The following SPOCK3 variants were observed in gnomAD, a reference collection of about 807,000 sequenced individuals.
SPOCK3 encodes testican-3.
In SPOCK3, 30 loss-of-function variants were observed where a neutral mutation model predicts 56.6. The ratio of observed to expected loss-of-function variants is 0.53; its 90% confidence interval spans 0.40 to 0.72. The LOEUF is 0.72. Among genes scored for constraint, SPOCK3 ranks in the 30% least tolerant of loss-of-function variants. SPOCK3 has a pLI of 0.00. For missense variants in SPOCK3, 527 were observed against 530.0 expected, an observed-to-expected ratio of 0.99 and a Z score of 0.06; for synonymous variants, 196 against 183.3, an observed-to-expected ratio of 1.07 and a Z score of -0.56.
intron 4 of SPOCK3, among the ~76,000 whole-genome samples, chr4:166,923,811 C>T (rs1188027182): frequency 6.6e-6 from 1 of 152,122 alleles, no homozygotes; most frequent in African/African-American, 2.4e-5. Flanking sequence ...TTACACTTTA[C>T]TGATTTTTAG....
rs1735697763 is a variant in SPOCK3, at chr4:166,746,945, A to G, written c.932-4886T>C. ...CAAGACTAAACCAGGAAGAAGTTGA[A>G]TCCCTGAATAGACCAATAACAGACT... On this transcript the variant is annotated intron_variant, in intron 8 of 10. Transcript: ENST00000357545. Among the ~76,000 whole-genome samples, 3 of 152,192 alleles carry G rather than the reference A, an allele frequency of 2.0e-5. No individual in the cohort carries two copies. In the South Asian group the frequency reaches 6.2e-4, roughly 31 times the overall value.
At chr4:167,016,897 T>G (rs1253716737) in intron 3 of SPOCK3, among the ~76,000 whole-genome samples, 1 of 152,090 alleles carries the variant, frequency 6.6e-6, no homozygotes, top group African/African-American at 2.4e-5. Flanking sequence ...GATTTCTAAC[T>G]ACACCATTGC....
intron 2 of SPOCK3, among the ~76,000 whole-genome samples, chr4:167,107,234 A>G (rs1760244054): frequency 6.6e-6 from 1 of 151,992 alleles, no homozygotes; most frequent in Admixed American, 6.6e-5. Flanking sequence ...CCTGATGAAT[A>G]TTAACACAGA....
At chr4:167,087,005 G>A (rs1284932905) in intron 2 of SPOCK3, among the ~76,000 whole-genome samples, 1 of 152,076 alleles carries the variant, frequency 6.6e-6, no homozygotes, top group African/African-American at 2.4e-5. Flanking sequence ...TGCAGGAATA[G>A]CAGACTATAG....
chr4:167,019,949 G>A (rs921984919), intron 3 of SPOCK3, among the ~76,000 whole-genome samples: 1 of 152,126 alleles, frequency 6.6e-6, no homozygotes, highest in Non-Finnish European at 1.5e-5. Context: ...GTCAGGTACT[G>A]AAGAGGGAAA....
At chr4:167,050,712 C>G (rs1296180518) in intron 3 of SPOCK3, among the ~76,000 whole-genome samples, 2 of 152,104 alleles carry the variant, frequency 1.3e-5, no homozygotes, top group Non-Finnish European at 2.9e-5. Context: ...TATTACTCAG[C>G]CTTAAAAACT....
intron 2 of SPOCK3, among the ~76,000 whole-genome samples, chr4:167,226,934 C>A (rs577963799): frequency 6.6e-6 from 1 of 152,132 alleles, no homozygotes; most frequent in East Asian, 1.9e-4. Context: ...CTCTAACCAA[C>A]GCATTGGCAG....
intron 2 of SPOCK3, among the ~76,000 whole-genome samples, chr4:167,118,017 A>G (rs910418211): frequency 1.3e-5 from 2 of 152,186 alleles, no homozygotes; most frequent in African/African-American, 4.8e-5. Flanking sequence ...AATGTTTGGT[A>G]TGCAGGATTA....
intron 3 of SPOCK3, among the ~76,000 whole-genome samples, chr4:167,033,515 A>C (rs991678489): frequency 1.3e-5 from 2 of 151,646 alleles, no homozygotes; most frequent in African/African-American, 4.8e-5. Context: ...CCTTATCTGA[A>C]GATAGGAAAG....
intron 2 of SPOCK3, among the ~76,000 whole-genome samples, chr4:167,158,295 C>A (rs975835991): frequency 6.6e-6 from 1 of 151,832 alleles, no homozygotes; most frequent in Non-Finnish European, 1.5e-5. Context: ...CATGTCATCA[C>A]CCCCAAGAAT....
chr4:166,820,372 A>G (rs1441328874), intron 6 of SPOCK3, among the ~76,000 whole-genome samples: 1 of 152,108 alleles, frequency 6.6e-6, no homozygotes, highest in African/African-American at 2.4e-5. Context: ...TAGTACTGGT[A>G]TAGTACAACA....
chr4:167,181,278 TC>T (rs1157668652), intron 2 of SPOCK3, among the ~76,000 whole-genome samples: 12 of 152,174 alleles, frequency 7.9e-5, no homozygotes, highest in African/African-American at 2.9e-4. Context: ...CCTTGAGTCA[TC>T]CCTGACTCCT....
intron 8 of SPOCK3, chr4:166,754,109 T>C (rs1214476212): frequency 1.0e-6 from 1 of 974,584 alleles, no homozygotes; most frequent in African/African-American, 1.7e-5. Context: ...TTTAATAAGA[T>C]CACAAAATAG....
chr4:166,740,595 G>A (rs892813669), intron 9 of SPOCK3, among the ~76,000 whole-genome samples: 2 of 151,130 alleles, frequency 1.3e-5, no homozygotes, highest in Admixed American at 6.6e-5. Flanking sequence ...GTGCCATCTC[G>A]GCTCACTGCA....
intron 5 of SPOCK3, among the ~76,000 whole-genome samples, chr4:166,892,144 A>C (rs891477811): frequency 6.6e-6 from 1 of 152,022 alleles, no homozygotes; most frequent in Non-Finnish European, 1.5e-5. Context: ...AGAGAATTAC[A>C]TAATCTTTAT....
rs994200501 is a variant in SPOCK3 at position 167,059,184 on chromosome 4, C to T, written c.235+3308G>A. Among the ~76,000 whole-genome samples the T allele has an allele frequency of 7.6e-4, 116 of 152,044 alleles. 1 individual carries two copies. Among genetic ancestry groups the T allele is most frequent in the Middle Eastern group, 3.4e-3 (1 of 294 alleles). On this transcript the variant is annotated intron_variant, in intron 3 of 10. Transcript: ENST00000357545. Reference sequence around the variant, plus strand: ...ATTAAACTAAAGAGCTTCTGCACAGCAAAAGAAACTACCATCAGAGTGAAC... The same window carrying T: ...ATTAAACTAAAGAGCTTCTGCACAGTAAAAGAAACTACCATCAGAGTGAAC...
chr4:167,085,799 C>A (rs529706302), intron 2 of SPOCK3, among the ~76,000 whole-genome samples: 1 of 152,168 alleles, frequency 6.6e-6, no homozygotes, highest in African/African-American at 2.4e-5. Context: ...GTCCATACCA[C>A]CTCAAAGTAG....
chr4:166,930,488 TAA>T (rs35331837), intron 4 of SPOCK3, among the ~76,000 whole-genome samples: 1 of 148,576 alleles, frequency 6.7e-6, no homozygotes, highest in Non-Finnish European at 1.5e-5. Flanking sequence ...CTACCCTTGT[TAA>T]AAAAAAAAAG....
chr4:167,158,167 C>G (rs1032892517), intron 2 of SPOCK3, among the ~76,000 whole-genome samples: 33 of 151,746 alleles, frequency 2.2e-4, no homozygotes, highest in African/African-American at 7.7e-4. Flanking sequence ...TAAGCCTACT[C>G]AGTTGTAGTT....
Sources: allele counts gnomAD v4.1 joint callset (sites outside exome capture counted in the v4.1 genomes callset), GRCh38; gene constraint gnomAD v4.1.1; transcripts MANE v1.5; gene names NCBI Gene and HGNC (gene_info 2026-07-23, HGNC 2026-07-21).